PTPRE: variants seen among roughly 807,000 people sequenced by gnomAD.
The protein encoded by PTPRE is protein tyrosine phosphatase receptor type E.
PTPRE carries 51 observed loss-of-function variants against 102.0 expected under a neutral mutation model. That is an observed-to-expected ratio of 0.50 (90% CI 0.40 to 0.63). The LOEUF is 0.63. Among genes scored for constraint, PTPRE ranks in the 30% least tolerant of loss-of-function variants. The probability of loss-of-function intolerance (pLI) is 0.00; values close to 1 mark genes in which losing one functional copy is unlikely to be tolerated. For synonymous variants in PTPRE, 345 were observed against 348.2 expected, an observed-to-expected ratio of 0.99 and a Z score of 0.10; for missense variants, 752 against 915.1, an observed-to-expected ratio of 0.82 and a Z score of 2.30.
At chr10:128,069,477 TTAG>T (rs1850567537) in intron 12 of PTPRE, 5 of 603,972 alleles carry the variant, frequency 8.3e-6, no homozygotes, top group Admixed American at 3.0e-5. Context: ...AATGTGCCTC[TTAG>T]TAGAGTGTCG....
intron 1 of PTPRE, among the ~76,000 whole-genome samples, chr10:127,971,460 C>T (rs374148373): frequency 1.3e-5 from 2 of 152,158 alleles, no homozygotes; most frequent in Non-Finnish European, 1.5e-5. Flanking sequence ...GTGGAGGAGT[C>T]GGTGAGATGA....
chr10:127,948,594 T>TG (rs1209861624), intron 1 of PTPRE, among the ~76,000 whole-genome samples: 1 of 152,244 alleles, frequency 6.6e-6, no homozygotes, highest in Non-Finnish European at 1.5e-5. Context: ...GTCATGTGGT[T>TG]GGAATCATAT....
intron 1 of PTPRE, among the ~76,000 whole-genome samples, chr10:127,979,220 G>T (rs143112642): frequency 1.1e-3 from 171 of 152,206 alleles, no homozygotes; most frequent in African/African-American, 3.9e-3. Flanking sequence ...TTTCCCATGA[G>T]TGGAAGGATG....
At chr10:128,068,536 A>G in intron 12 of PTPRE, 1 of 346,976 alleles carries the variant, frequency 2.9e-6, no homozygotes, top group Non-Finnish European at 5.2e-6. Flanking sequence ...GTGGGAATGG[A>G]GTTCTGGGCA....
chr10:128,036,258 C>T (rs900076723), intron 2 of PTPRE, among the ~76,000 whole-genome samples: 7 of 152,180 alleles, frequency 4.6e-5, no homozygotes, highest in African/African-American at 1.7e-4. Context: ...GGCCTTCCTC[C>T]CCAATAACCC....
rs540041138 is a variant in PTPRE at position 128,084,102 on chromosome 10, C to G, written c.*1196C>G. The G allele has an allele frequency of 2.1e-5, 3 of 145,050 alleles. No homozygotes were observed. In the East Asian group the frequency reaches 6.1e-4, roughly 29 times the overall value. 9.0% of individuals were successfully genotyped at this position (145,050 alleles called of 1,614,324 possible). ...TACTGAGACCATTGACACTGGATAA[C>G]AGTAATGATCCCATTACCAGATAAG... On this transcript the variant is annotated 3_prime_UTR_variant, in exon 21 of 21. Coordinates refer to ENST00000254667, the MANE Select transcript of PTPRE (RefSeq NM_006504.6).
intron 2 of PTPRE, among the ~76,000 whole-genome samples, chr10:128,038,960 C>A (rs1847451667): frequency 6.6e-6 from 1 of 152,128 alleles, no homozygotes; most frequent in Non-Finnish European, 1.5e-5. Flanking sequence ...AACAGATGAA[C>A]AAAATGATCT....
At chr10:127,932,631 C>G (rs1344688657) in intron 1 of PTPRE, among the ~76,000 whole-genome samples, 1 of 152,212 alleles carries the variant, frequency 6.6e-6, no homozygotes, top group African/African-American at 2.4e-5. Flanking sequence ...TCTTTTGCAG[C>G]TGTGTGTGCT....
At chr10:127,965,555 G>A (rs1225438319) in intron 1 of PTPRE, among the ~76,000 whole-genome samples, 1 of 152,124 alleles carries the variant, frequency 6.6e-6, no homozygotes, top group Non-Finnish European at 1.5e-5. Flanking sequence ...ATTTACCTTT[G>A]TATTCCTTTT....
chr10:127,972,705 C>G (rs547932182), intron 1 of PTPRE, among the ~76,000 whole-genome samples: 2 of 152,300 alleles, frequency 1.3e-5, no homozygotes, highest in Admixed American at 1.3e-4. Flanking sequence ...GAGGGGCTGA[C>G]CAAGGTCACC....
chr10:128,033,431 C>T (rs1214948124), intron 2 of PTPRE, among the ~76,000 whole-genome samples: 1 of 152,170 alleles, frequency 6.6e-6, no homozygotes, highest in Non-Finnish European at 1.5e-5. Context: ...TTATTCATTT[C>T]ATGGAATCCC....
intron 1 of PTPRE, among the ~76,000 whole-genome samples, chr10:127,917,136 G>A (rs971776069): frequency 1.5e-4 from 22 of 151,708 alleles, no homozygotes; most frequent in African/African-American, 5.3e-4. Context: ...GAGAACCAAG[G>A]CCCCGCAGTT....
At chr10:128,072,050 T>C (rs549420504) in intron 15 of PTPRE, 88 bp from the exon 16 acceptor site, 2 of 1,005,754 alleles carry the variant, frequency 2.0e-6, no homozygotes, top group African/African-American at 3.3e-5. Flanking sequence ...ATTAATAGGA[T>C]CTATATTTTG....
intron 3 of PTPRE, among the ~76,000 whole-genome samples, chr10:128,044,590 A>G (rs920771307): frequency 3.3e-5 from 5 of 152,366 alleles, no homozygotes; most frequent in Admixed American, 2.0e-4. Context: ...AAGTGTATGT[A>G]TGTATAAAAT....
rs559852409 is a variant in PTPRE, at chr10:128,008,115, C to A, written c.-8+25819C>A. 6.6e-6 allele frequency among the ~76,000 whole-genome samples: 1 copy of A among 152,298 alleles called. No homozygotes were observed. The highest frequency in any genetic ancestry group is 2.1e-4 in the South Asian group (1 of 4,834). ...CACAGGAGGCACCACGCCACGTGTG[C>A]CTGTCTGCAGAGTCCCCTGCCCAGG... On this transcript the variant is annotated intron_variant, in intron 2 of 20. Coordinates refer to ENST00000254667, the MANE Select transcript of PTPRE (RefSeq NM_006504.6). The surrounding 1 kb of genome is among the most constrained non-coding windows in gnomAD (Gnocchi z 4.0).
intron 1 of PTPRE, among the ~76,000 whole-genome samples, chr10:127,909,674 G>A (rs1845733965): frequency 6.6e-6 from 1 of 152,196 alleles, no homozygotes; most frequent in South Asian, 2.1e-4. Flanking sequence ...CCAGACTATA[G>A]TTTCTGTGAA....
chr10:127,922,656 C>T (rs1338856685), intron 1 of PTPRE, among the ~76,000 whole-genome samples: 1 of 152,220 alleles, frequency 6.6e-6, no homozygotes, highest in Non-Finnish European at 1.5e-5. Context: ...GCTAGGCCTT[C>T]TTCTAAAGAG....
chr10:127,920,115 T>C (rs1022621079), intron 1 of PTPRE, among the ~76,000 whole-genome samples: 1 of 152,112 alleles, frequency 6.6e-6, no homozygotes, highest in Admixed American at 6.5e-5. Flanking sequence ...TAGAATGATG[T>C]TGGGTGGGAG....
intron 18 of PTPRE, 100 bp downstream of exon 18, chr10:128,076,828 G>C: frequency 1.3e-6 from 2 of 1,512,414 alleles, no homozygotes; most frequent in Non-Finnish European, 9.0e-7. Context: ...CCCTGCACCT[G>C]TCCTGCTCCT....
Sources: allele counts gnomAD v4.1 joint callset (sites outside exome capture counted in the v4.1 genomes callset), GRCh38; gene constraint gnomAD v4.1.1; non-coding constraint Gnocchi (gnomAD v3.1); transcripts MANE v1.5; gene names NCBI Gene and HGNC (gene_info 2026-07-23, HGNC 2026-07-21).